CCDC102B: variants seen among roughly 807,000 people sequenced by gnomAD.
The protein encoded by CCDC102B is coiled-coil domain containing 102B, also known as coiled-coil domain-containing protein 102B.
Under a neutral mutation model 57.4 loss-of-function variants are expected in CCDC102B, and 75 were observed. The ratio of observed to expected loss-of-function variants is 1.31; its 90% CI spans 1.08 to 1.58. The LOEUF (loss-of-function observed/expected upper bound fraction) is 1.58, where lower values mean the gene tolerates loss of function less well. Among genes scored for constraint, CCDC102B ranks in the 40% most tolerant of loss-of-function variants. The probability of loss-of-function intolerance (pLI) is 0.00; values close to 1 mark genes in which losing one functional copy is unlikely to be tolerated. For synonymous variants in CCDC102B, 206 were observed against 201.9 expected, an observed-to-expected ratio of 1.02 and a Z score of -0.17; for missense variants, 636 against 582.6, an observed-to-expected ratio of 1.09 and a Z score of -0.94.
intron 4 of CCDC102B, among the ~76,000 whole-genome samples, chr18:68,856,593 A>G (rs988219290): frequency 6.6e-6 from 1 of 152,200 alleles, no homozygotes; most frequent in Non-Finnish European, 1.5e-5. Context: ...GCCACTGTGC[A>G]CAGCCCCACT....
At chr18:68,982,142 A>C (rs1347387435) in intron 6 of CCDC102B, among the ~76,000 whole-genome samples, 8 of 151,830 alleles carry the variant, frequency 5.3e-5, no homozygotes, top group Non-Finnish European at 1.2e-4. Context: ...TCTGGAGAAA[A>C]ATCCATGCAG....
chr18:69,010,098 A>ATTTT (rs71717825), intron 6 of CCDC102B, among the ~76,000 whole-genome samples: 1 of 54,946 alleles, frequency 1.8e-5, no homozygotes, highest in African/African-American at 6.5e-5. Flanking sequence ...TGCCCGGCTA[A>ATTTT]TTTTTTTTTT....
intron 5 of CCDC102B, among the ~76,000 whole-genome samples, chr18:68,894,650 AC>A (rs2040183483): frequency 6.6e-6 from 1 of 151,880 alleles, no homozygotes; most frequent in Admixed American, 6.6e-5. Context: ...GTGATAAGAA[AC>A]AGTTTTACAA....
At chr18:68,803,325 A>C (rs1242739519) in intron 1 of CCDC102B, among the ~76,000 whole-genome samples, 1 of 152,232 alleles carries the variant, frequency 6.6e-6, no homozygotes, top group South Asian at 2.1e-4. Context: ...TACATTAAGC[A>C]TATAGTCTAG....
chr18:68,919,760 G>A (rs2041208280), intron 6 of CCDC102B, among the ~76,000 whole-genome samples: 2 of 152,120 alleles, frequency 1.3e-5, no homozygotes, highest in African/African-American at 2.4e-5. Context: ...TTTACTAAAG[G>A]TGGTATTGAG....
At chr18:69,023,682 G>A (rs1322597872) in intron 7 of CCDC102B, among the ~76,000 whole-genome samples, 2 of 151,896 alleles carry the variant, frequency 1.3e-5, no homozygotes, top group African/African-American at 2.4e-5. Flanking sequence ...TTACAGCTGG[G>A]AGAGAAAGAG....
At chr18:68,913,305 A>AGTGTGTGTGTGTGTGTGT (rs1191988172) in intron 6 of CCDC102B, among the ~76,000 whole-genome samples, 14 of 29,498 alleles carry the variant, frequency 4.7e-4, no homozygotes, top group African/African-American at 1.5e-3. Context: ...TTGGATGGTT[A>AGTGTGTGTGTGTGTGTGT]GTGTCTGTGT....
Position 68,737,380 on chromosome 18 carries a change from A to G in CCDC102B, c.-67+20786A>G, listed in dbSNP as rs367726452. Among the ~76,000 whole-genome samples, 103 of 151,804 alleles carry G rather than the reference A, an allele frequency of 6.8e-4. No individual in the cohort carries two copies. The East Asian group carries it at 0.015, about 22-fold the overall frequency. ...CTCCCACTGCAGGCTTGGTCCCAAC[A>G]CTCTCTCATACCCAAGATCTCCCTT... On this transcript the variant is annotated intron_variant, in intron 2 of 3. Transcript: ENST00000578970.
intron 6 of CCDC102B, among the ~76,000 whole-genome samples, chr18:69,002,989 A>G (rs528076958): frequency 6.6e-6 from 1 of 152,246 alleles, no homozygotes; most frequent in Non-Finnish European, 1.5e-5. Flanking sequence ...AGTCAACTCC[A>G]TGTCATCTTG....
intron 2 of CCDC102B, among the ~76,000 whole-genome samples, chr18:68,783,327 G>A (rs759910095): frequency 2.6e-5 from 4 of 152,144 alleles, no homozygotes; most frequent in African/African-American, 4.8e-5. Flanking sequence ...TTGCAGTCTT[G>A]AAGTTTCCTA....
chr18:69,052,809 G>A (rs2052742139), intron 7 of CCDC102B, among the ~76,000 whole-genome samples: 1 of 151,648 alleles, frequency 6.6e-6, no homozygotes, highest in South Asian at 2.1e-4. Flanking sequence ...AAATGCATCT[G>A]TACTGAACAT....
chr18:68,844,810 C>G (rs764292081), intron 3 of CCDC102B, among the ~76,000 whole-genome samples: 97 of 151,936 alleles, frequency 6.4e-4, no homozygotes, highest in Middle Eastern at 3.4e-3. Context: ...TTATAAGCAA[C>G]TTGGGTGTCC....
chr18:68,866,310 A>G (rs987987405), intron 4 of CCDC102B, among the ~76,000 whole-genome samples: 2 of 152,232 alleles, frequency 1.3e-5, no homozygotes, highest in African/African-American at 2.4e-5. Context: ...TTTCTCAAGT[A>G]TAAACATTTC....
intron 4 of CCDC102B, among the ~76,000 whole-genome samples, chr18:68,852,518 T>G (rs5022262): frequency 0.36 from 54,435 of 151,936 alleles, 10,474 homozygotes; most frequent in East Asian, 0.66. Flanking sequence ...TCTAGATTAC[T>G]TATAATTCCT....
In CCDC102B at chr18:68,976,546, C is replaced by T. The variant is rs189950939; in HGVS notation, c.1264-34388C>T. 2.4e-3 allele frequency among the ~76,000 whole-genome samples: 363 copies of T among 151,926 alleles called. 1 individual carries two copies. The highest frequency in any genetic ancestry group is 4.3e-3 in the Non-Finnish European group (294 of 67,874). On this transcript the variant is annotated intron_variant, in intron 6 of 7. Transcript: ENST00000360242. ...ATTATTACTTTTGCAATTGCTATGT[C>T]GAATGTTGGCCACATTTTAATTTAT...
chr18:68,984,309 A>T (rs1415030711), intron 6 of CCDC102B, among the ~76,000 whole-genome samples: 2 of 152,112 alleles, frequency 1.3e-5, no homozygotes, highest in Non-Finnish European at 2.9e-5. Flanking sequence ...TTACTTATGT[A>T]AACAGCTAAT....
At chr18:68,946,116 A>G (rs1962066810) in intron 6 of CCDC102B, among the ~76,000 whole-genome samples, 1 of 151,922 alleles carries the variant, frequency 6.6e-6, no homozygotes, top group African/African-American at 2.4e-5. Flanking sequence ...AAATCAACAT[A>G]GTTAAGTGAA....
intron 6 of CCDC102B, chr18:68,902,215 T>A (rs2040479830): frequency 6.6e-6 from 1 of 152,232 alleles, no homozygotes; most frequent in Non-Finnish European, 1.5e-5. Context: ...TACTTCATGC[T>A]TTCTTCCAGC....
intron 6 of CCDC102B, among the ~76,000 whole-genome samples, chr18:68,926,773 G>C (rs1167147634): frequency 6.6e-6 from 1 of 151,806 alleles, no homozygotes; most frequent in Non-Finnish European, 1.5e-5. Flanking sequence ...TTTTGAAATG[G>C]TTTTCCTTCC....
Sources: allele counts gnomAD v4.1 joint callset (sites outside exome capture counted in the v4.1 genomes callset), GRCh38; gene constraint gnomAD v4.1.1; transcripts MANE v1.5; gene names NCBI Gene and HGNC (gene_info 2026-07-23, HGNC 2026-07-21).